ASIC2: variants seen among roughly 807,000 people sequenced by gnomAD.
ASIC2 encodes acid-sensing ion channel 2.
ASIC2 carries 25 observed loss-of-function variants against 57.3 expected under a neutral mutation model. That is an observed-to-expected ratio of 0.44 (90% confidence interval 0.32 to 0.61). The LOEUF (loss-of-function observed/expected upper bound fraction) is 0.61. ASIC2 is among the 20% of genes least tolerant of loss of function. The pLI is 0.06. For synonymous variants in ASIC2, 319 were observed against 307.5 expected, an observed-to-expected ratio of 1.04 and a Z score of -0.39; for missense variants, 641 against 738.1, an observed-to-expected ratio of 0.87 and a Z score of 1.52.
chr17:33,773,583 A>G (rs549128943), intron 1 of ASIC2, among the ~76,000 whole-genome samples: 2 of 152,196 alleles, frequency 1.3e-5, no homozygotes, highest in Admixed American at 1.3e-4. Flanking sequence ...GGGGAAGGAA[A>G]GAGAGAAGAG....
intron 1 of ASIC2, among the ~76,000 whole-genome samples, chr17:33,286,632 C>G (rs543045599): frequency 2.5e-4 from 38 of 152,334 alleles, no homozygotes; most frequent in African/African-American, 8.4e-4. Context: ...TCCTCTCACC[C>G]TGAAGTCCTC....
chr17:33,056,630 A>G (rs1295772449), intron 3 of ASIC2, among the ~76,000 whole-genome samples: 1 of 152,216 alleles, frequency 6.6e-6, no homozygotes, highest in Non-Finnish European at 1.5e-5. Context: ...TATAAAGTTT[A>G]CTGGCCAGCG....
At chr17:33,062,438 G>C (rs1205429633) in intron 3 of ASIC2, among the ~76,000 whole-genome samples, 1 of 152,202 alleles carries the variant, frequency 6.6e-6, no homozygotes, top group Admixed American at 6.5e-5. Context: ...TCATTCAGGA[G>C]CAGCTTGTTC....
intron 1 of ASIC2, among the ~76,000 whole-genome samples, chr17:33,910,146 A>G (rs1303967380): frequency 6.6e-6 from 1 of 152,218 alleles, no homozygotes; most frequent in African/African-American, 2.4e-5. Context: ...TTTTGGGGAT[A>G]TCGCTACATA....
intron 1 of ASIC2, among the ~76,000 whole-genome samples, chr17:33,631,369 C>T (rs1164295779): frequency 1.3e-5 from 2 of 150,408 alleles, no homozygotes; most frequent in Non-Finnish European, 3.0e-5. Flanking sequence ...GATGCCAGCC[C>T]GTCTCAGCTA....
intron 1 of ASIC2, among the ~76,000 whole-genome samples, chr17:33,613,474 C>T (rs1905484252): frequency 1.3e-5 from 2 of 151,472 alleles, no homozygotes; most frequent in Admixed American, 6.6e-5. Flanking sequence ...ACACCATTCT[C>T]CTGCCTCAGC....
At position 33,415,502 on chromosome 17, in the gene ASIC2, A is replaced by G. The variant is rs1011403131; in HGVS notation, c.556-303435T>C. ...CCCATGGGCATGTAGAGCCCATTGTATTTTCATTTGAGAGTCTTTGGATTT... is the reference window on the plus strand; with the variant it reads ...CCCATGGGCATGTAGAGCCCATTGTGTTTTCATTTGAGAGTCTTTGGATTT... On this transcript the variant is annotated intron_variant, in intron 1 of 9. Transcript: ENST00000359872. Among the ~76,000 whole-genome samples, 5 of 150,948 alleles carry G rather than the reference A, an allele frequency of 3.3e-5. No individual in the cohort carries two copies. In the South Asian group the frequency reaches 1.0e-3, roughly 32 times the overall value.
intron 1 of ASIC2, among the ~76,000 whole-genome samples, chr17:33,307,158 C>T (rs1906212363): frequency 6.6e-6 from 1 of 152,186 alleles, no homozygotes; most frequent in Non-Finnish European, 1.5e-5. Flanking sequence ...ATCCACATCA[C>T]ATTTTTACAA....
chr17:33,833,108 T>C (rs1426030287), intron 1 of ASIC2, among the ~76,000 whole-genome samples: 1 of 152,202 alleles, frequency 6.6e-6, no homozygotes, highest in Non-Finnish European at 1.5e-5. Flanking sequence ...AGATCAAATA[T>C]GTTAAAACGG....
chr17:33,273,990 T>G (rs1316259948), intron 1 of ASIC2, among the ~76,000 whole-genome samples: 1 of 152,198 alleles, frequency 6.6e-6, no homozygotes, highest in Non-Finnish European at 1.5e-5. Context: ...GGGTGGTACT[T>G]ACGTCCATTT....
chr17:33,586,878 T>G (rs1042188396), intron 1 of ASIC2, among the ~76,000 whole-genome samples: 3 of 152,242 alleles, frequency 2.0e-5, no homozygotes, highest in Non-Finnish European at 4.4e-5. Flanking sequence ...TACACCTCTC[T>G]GAGCAGTATA....
At chr17:33,923,026 A>G (rs1168534962) in intron 1 of ASIC2, among the ~76,000 whole-genome samples, 1 of 152,158 alleles carries the variant, frequency 6.6e-6, no homozygotes, top group African/African-American at 2.4e-5. Flanking sequence ...TATCCTAGAG[A>G]GGTTTAGTGG....
intron 1 of ASIC2, among the ~76,000 whole-genome samples, chr17:33,747,209 C>G (rs993800875): frequency 6.6e-6 from 1 of 151,240 alleles, no homozygotes; most frequent in Admixed American, 6.6e-5. Context: ...AAACCTTGCT[C>G]CCATCCAGCC....
intron 1 of ASIC2, among the ~76,000 whole-genome samples, chr17:33,957,874 G>T (rs771151435): frequency 3.9e-5 from 6 of 152,194 alleles, no homozygotes; most frequent in Admixed American, 1.3e-4. Flanking sequence ...GACAAGGCAA[G>T]TCCCTTCTGC....
intron 1 of ASIC2, among the ~76,000 whole-genome samples, chr17:33,459,211 G>A (rs776037568): frequency 3.3e-5 from 5 of 152,156 alleles, no homozygotes; most frequent in Non-Finnish European, 4.4e-5. Context: ...GGGGGCAGCA[G>A]TGAGTGATTC....
chr17:33,361,092 C>A (rs779248459), intron 1 of ASIC2, among the ~76,000 whole-genome samples: 2 of 152,084 alleles, frequency 1.3e-5, no homozygotes, highest in East Asian at 1.9e-4. Flanking sequence ...TGGGCTCACT[C>A]GCTATTGCAA....
At chr17:34,016,423 CAAAA>C (rs398041640) in intron 1 of ASIC2, among the ~76,000 whole-genome samples, 2 of 41,460 alleles carry the variant, frequency 4.8e-5, no homozygotes, top group South Asian at 1.1e-3. Context: ...GACTCCGTCT[CAAAA>C]AAAAAAAAAA....
At chr17:33,732,265 T>C (rs140034379) in intron 1 of ASIC2, among the ~76,000 whole-genome samples, 12 of 152,316 alleles carry the variant, frequency 7.9e-5, no homozygotes, top group African/African-American at 2.4e-4. Flanking sequence ...ATGTGTTCAA[T>C]GGAAGGCCAG....
intron 1 of ASIC2, chr17:33,980,955 T>TTTTTTTTTTTTTTTTTTTTTAA (rs1905597087): frequency 6.7e-6 from 1 of 149,206 alleles, no homozygotes; most frequent in African/African-American, 2.5e-5. Flanking sequence ...TTTTTTTTTT[T>TTTTTTTTTTTTTTTTTTTTTAA]AGACAGAATC....
Sources: gnomAD v4.1 joint callset for allele counts (sites outside exome capture counted in the v4.1 genomes callset) on GRCh38, gnomAD v4.1.1 for gene constraint, MANE v1.5 for transcripts, NCBI Gene and HGNC (gene_info 2026-07-23, HGNC 2026-07-21) for gene names.